PTPRK: variants seen among roughly 807,000 people sequenced by gnomAD.
The protein encoded by PTPRK is protein tyrosine phosphatase receptor type K.
PTPRK carries 75 observed loss-of-function variants against 178.0 expected under a neutral mutation model. That is an observed-to-expected ratio of 0.42 (90% CI 0.35 to 0.51). The LOEUF is 0.51. Among genes scored for constraint, PTPRK ranks in the 20% least tolerant of loss-of-function variants. PTPRK has a pLI of 0.02. For synonymous variants in PTPRK, 637 were observed against 620.6 expected (o/e 1.03, Z -0.39); for missense variants, 1,441 against 1,797.8 (o/e 0.80, Z 3.59).
chr6:128,142,323 T>C, intron 7 of PTPRK, among the ~76,000 whole-genome samples: 1 of 151,932 alleles, frequency 6.6e-6, no homozygotes, highest in East Asian at 1.9e-4. Context: ...AGCTGTCTGG[T>C]AGAGTATAAA....
At chr6:128,364,606 T>C (rs781290456) in intron 2 of PTPRK, among the ~76,000 whole-genome samples, 13 of 151,984 alleles carry the variant, frequency 8.6e-5, no homozygotes, top group Admixed American at 3.9e-4. Flanking sequence ...GTAATGATGA[T>C]TGACATCTTC....
intron 1 of PTPRK, among the ~76,000 whole-genome samples, chr6:128,437,391 G>A (rs1845732688): frequency 6.6e-6 from 1 of 152,042 alleles, no homozygotes; most frequent in African/African-American, 2.4e-5. Context: ...CTTGCATTCT[G>A]AGGACACCCT....
chr6:128,004,861 A>C (rs1201643686), intron 15 of PTPRK: 1 of 476,602 alleles, frequency 2.1e-6, no homozygotes, highest in East Asian at 3.2e-5. Flanking sequence ...CCCTTGTGAT[A>C]CAGTAATAAA....
At chr6:128,418,221 C>A (rs890278218) in intron 1 of PTPRK, among the ~76,000 whole-genome samples, 1 of 152,162 alleles carries the variant, frequency 6.6e-6, no homozygotes, top group Admixed American at 6.5e-5. Flanking sequence ...CCTCAAAATT[C>A]CAAATACTCC....
chr6:127,973,704 C>T lies in PTPRK; in HGVS notation c.4093G>A (p.Glu1365Lys), dbSNP rs1237020467. ...GTCCGGCCTTCCCCTTCCTCGCATT[C>T]CTCCTGCCACTTTTCCACCTGAAGT... ...LILQVEKWQEECEEGEGRTII... is the reference protein window; with the variant it reads ...LILQVEKWQEKCEEGEGRTII... The change falls in exon 28 of 30, where the codon GAA becomes AAA. Residue 1365 changes from glutamate (E) to lysine (K), a missense_variant. This residue lies in a region of PTPRK where 335 missense variants were observed against 512.4 expected (regional missense o/e 0.65). Transcript: ENST00000368226. 1.2e-6 allele frequency: 2 copies of T among 1,613,888 alleles called. No individual in the cohort carries two copies. The highest frequency in any genetic ancestry group is 1.7e-6 in the Non-Finnish European group (2 of 1,179,960).
At chr6:127,999,860 A>G (rs1777591614) in intron 15 of PTPRK, 1 of 645,898 alleles carries the variant, frequency 1.5e-6, no homozygotes, top group South Asian at 6.9e-5. Flanking sequence ...TTAAAAAGTC[A>G]ACTGAATCCC....
chr6:128,085,029 A>G (rs1241196799), intron 8 of PTPRK: 2 of 152,212 alleles, frequency 1.3e-5, no homozygotes, highest in East Asian at 1.9e-4. Context: ...AGGAGCATCA[A>G]GAAATTCTGA....
intron 1 of PTPRK, among the ~76,000 whole-genome samples, chr6:128,453,747 T>C (rs1430666605): frequency 6.6e-6 from 1 of 152,174 alleles, no homozygotes; most frequent in African/African-American, 2.4e-5. Flanking sequence ...ATTTGGGATG[T>C]ATCCAAGCTC....
chr6:128,298,478 C>T (rs1475524888), intron 3 of PTPRK, among the ~76,000 whole-genome samples: 3 of 151,594 alleles, frequency 2.0e-5, no homozygotes. Flanking sequence ...CAATAAAATA[C>T]TGGCAAACCG....
chr6:128,140,094 G>C (rs1795562230), intron 7 of PTPRK, among the ~76,000 whole-genome samples: 1 of 151,888 alleles, frequency 6.6e-6, no homozygotes, highest in Non-Finnish European at 1.5e-5. Context: ...TACACAAGTT[G>C]CAACATTGCT....
chr6:128,429,532 G>A (rs1025349760), intron 1 of PTPRK, among the ~76,000 whole-genome samples: 3 of 152,176 alleles, frequency 2.0e-5, no homozygotes, highest in African/African-American at 7.2e-5. Context: ...TAATTAGACT[G>A]CAATAAAACA....
intron 2 of PTPRK, among the ~76,000 whole-genome samples, chr6:128,325,260 C>T (rs1326051660): frequency 6.6e-6 from 1 of 151,932 alleles, no homozygotes; most frequent in African/African-American, 2.4e-5. Flanking sequence ...CATAAAAGAC[C>T]TTTAAGAGAT....
At chr6:128,125,974 CTCCTT>C (rs1011994445) in intron 7 of PTPRK, among the ~76,000 whole-genome samples, 2 of 152,056 alleles carry the variant, frequency 1.3e-5, no homozygotes, top group African/African-American at 4.8e-5. Flanking sequence ...TTCAGACTGA[CTCCTT>C]TCACTGAGCA....
At chr6:128,122,497 A>C (rs1464128748) in intron 7 of PTPRK, among the ~76,000 whole-genome samples, 1 of 152,200 alleles carries the variant, frequency 6.6e-6, no homozygotes, top group Non-Finnish European at 1.5e-5. Flanking sequence ...AAACTCTTTC[A>C]ATGTAAACCT....
At chr6:128,464,638 C>CACACATATATATAT (rs1164450520) in intron 1 of PTPRK, among the ~76,000 whole-genome samples, 1 of 48,600 alleles carries the variant, frequency 2.1e-5, no homozygotes, top group African/African-American at 9.5e-5. Context: ...TATATATACA[C>CACACATATATATAT]ATATATATAT....
chr6:128,366,065 A>C (rs1314403841), intron 2 of PTPRK, among the ~76,000 whole-genome samples: 1 of 152,144 alleles, frequency 6.6e-6, no homozygotes, highest in South Asian at 2.1e-4. Context: ...TTTCCATAGA[A>C]TATTCCTGAT....
chr6:128,475,933 T>C (rs111987939), intron 1 of PTPRK, among the ~76,000 whole-genome samples: 4 of 152,202 alleles, frequency 2.6e-5, no homozygotes, highest in African/African-American at 7.2e-5. Flanking sequence ...CAGTATTTAA[T>C]ACTGACACTA....
chr6:128,046,904 CT>C (rs1358876977), intron 13 of PTPRK, among the ~76,000 whole-genome samples: 1 of 152,106 alleles, frequency 6.6e-6, no homozygotes, highest in Non-Finnish European at 1.5e-5. Flanking sequence ...ATAAACTGTT[CT>C]TTTTCTTCTC....
At chr6:128,313,345 C>A (rs2128317215) in intron 3 of PTPRK, among the ~76,000 whole-genome samples, 1 of 152,188 alleles carries the variant, frequency 6.6e-6, no homozygotes, top group South Asian at 2.1e-4. Context: ...GACACCCTGA[C>A]CTTTTTAAAA....
Sources: gnomAD v4.1 joint callset for allele counts (sites outside exome capture counted in the v4.1 genomes callset) on GRCh38, gnomAD v4.1.1 for gene constraint, gnomAD v4.1.1 regional missense constraint, MANE v1.5 for transcripts, NCBI Gene and HGNC (gene_info 2026-07-23, HGNC 2026-07-21) for gene names.